Variants in AK9 observed in about 807,000 individuals in gnomAD.
The protein encoded by AK9 is adenylate kinase domain containing 1.
A neutral mutation model predicts 239.6 loss-of-function variants in AK9; 191 were observed. That is an observed-to-expected ratio of 0.80 (90% CI 0.71 to 0.90). The LOEUF is 0.90. Ranked by LOEUF, AK9 falls within the 40% of genes least tolerant of loss-of-function variation. The pLI is 0.00. For missense variants in AK9, 1,995 were observed against 2,214.7 expected, an observed-to-expected ratio of 0.90 and a Z score of 1.99; for synonymous variants, 689 against 721.0, an observed-to-expected ratio of 0.96 and a Z score of 0.71.
chr6:109,550,394 A>T, intron 24 of AK9, 92 bp from the exon 25 acceptor site: 1 of 1,159,522 alleles, frequency 8.6e-7, no homozygotes, highest in Non-Finnish European at 1.2e-6. Flanking sequence ...ATAATATTTA[A>T]TCTGTAGCAA....
intron 21 of AK9, among the ~76,000 whole-genome samples, chr6:109,570,750 A>T (rs1490435327): frequency 6.6e-6 from 1 of 152,154 alleles, no homozygotes; most frequent in Non-Finnish European, 1.5e-5. Flanking sequence ...CAAAAATAAT[A>T]AATGATCCTG....
chr6:109,627,158 T>TTTTC (rs1795630020), intron 12 of AK9, among the ~76,000 whole-genome samples: 2 of 135,386 alleles, frequency 1.5e-5, no homozygotes, highest in African/African-American at 3.2e-5. Context: ...TTTTTTTTTT[T>TTTTC]AGCCTAGCCC....
At chr6:109,512,710 G>A (rs971581387) in intron 32 of AK9, among the ~76,000 whole-genome samples, 1 of 146,954 alleles carries the variant, frequency 6.8e-6, no homozygotes, top group African/African-American at 2.4e-5. Flanking sequence ...TTCTCATTGT[G>A]ACCACCCACT....
chr6:109,654,260 T>C (rs1408933798), intron 8 of AK9, among the ~76,000 whole-genome samples: 1 of 152,192 alleles, frequency 6.6e-6, no homozygotes, highest in Non-Finnish European at 1.5e-5. Flanking sequence ...CAACAGATTA[T>C]ATCAGCATTA....
chr6:109,624,656 G>T (rs908535220), intron 12 of AK9, among the ~76,000 whole-genome samples: 3 of 152,058 alleles, frequency 2.0e-5, no homozygotes, highest in Non-Finnish European at 4.4e-5. Flanking sequence ...TGCCCCCATT[G>T]TCTTATAATT....
At chr6:109,545,164 G>A (rs1285422767) in intron 26 of AK9, among the ~76,000 whole-genome samples, 3 of 152,116 alleles carry the variant, frequency 2.0e-5, no homozygotes, top group Non-Finnish European at 4.4e-5. Context: ...GTACTGCCAG[G>A]CACAGTGGCT....
chr6:109,641,923 C>T (rs7745469), intron 9 of AK9, among the ~76,000 whole-genome samples: 88,589 of 152,006 alleles, frequency 0.58, 27,493 homozygotes, highest in South Asian at 0.84. Flanking sequence ...ACTTCAGGGC[C>T]TCAACATATC....
At chr6:109,672,380 C>G (rs182884533) in intron 3 of AK9, among the ~76,000 whole-genome samples, 42 of 152,302 alleles carry the variant, frequency 2.8e-4, no homozygotes, top group African/African-American at 9.6e-4. Flanking sequence ...CTGCCACTTA[C>G]TAAGCTTAAG....
chr6:109,632,486 C>T (rs1796189058), intron 12 of AK9: 1 of 306,608 alleles, frequency 3.3e-6, no homozygotes, highest in Non-Finnish European at 4.8e-6. Context: ...GAGTGGAGAA[C>T]AAGATTACTG....
chr6:109,604,862 A>G (rs1792627156), intron 17 of AK9, among the ~76,000 whole-genome samples: 1 of 152,206 alleles, frequency 6.6e-6, no homozygotes. Context: ...GTTCACATTA[A>G]AAGTTTAATA....
At chr6:109,662,188 A>C (rs1800515957) in intron 6 of AK9, among the ~76,000 whole-genome samples, 1 of 152,214 alleles carries the variant, frequency 6.6e-6, no homozygotes, top group Admixed American at 6.5e-5. Context: ...AGCGGAGAGC[A>C]CCACGAATGG....
chr6:109,575,248 A>C (rs893147039), intron 20 of AK9, among the ~76,000 whole-genome samples: 2 of 152,158 alleles, frequency 1.3e-5, no homozygotes, highest in Non-Finnish European at 2.9e-5. Context: ...TCTTTAAGGA[A>C]TTGCCATAGT....
At chr6:109,668,128 G>C (rs1375972048) in intron 5 of AK9, among the ~76,000 whole-genome samples, 1 of 152,194 alleles carries the variant, frequency 6.6e-6, no homozygotes, top group Admixed American at 6.5e-5. Flanking sequence ...TTGTGGTTTT[G>C]ATTTGCATTT....
intron 28 of AK9, among the ~76,000 whole-genome samples, chr6:109,532,105 T>C (rs536435115): frequency 1.3e-5 from 2 of 152,314 alleles, no homozygotes; most frequent in East Asian, 1.9e-4. Context: ...TGAGAATGTA[T>C]TACATAATTT....
At chr6:109,498,073 T>A in intron 36 of AK9, 108 bp from the exon 37 acceptor site, 15 of 1,031,632 alleles carry the variant, frequency 1.5e-5, no homozygotes, top group African/African-American at 3.2e-5. Context: ...GTAGCAGCGT[T>A]CTGCTGCTCC....
chr6:109,614,609 GC>G (rs1358948003), intron 13 of AK9, 129 bp from the exon 14 acceptor site: 21 of 699,256 alleles, frequency 3.0e-5, no homozygotes, highest in Non-Finnish European at 4.9e-5. Flanking sequence ...AGCTGTAAGG[GC>G]TGTGTGACTT....
intron 8 of AK9, among the ~76,000 whole-genome samples, chr6:109,651,178 A>G (rs1269485259): frequency 6.6e-6 from 1 of 152,088 alleles, no homozygotes; most frequent in Non-Finnish European, 1.5e-5. Flanking sequence ...ACATGTATAC[A>G]TATGTAACAA....
intron 5 of AK9, among the ~76,000 whole-genome samples, chr6:109,667,739 T>G (rs1435641974): frequency 6.6e-6 from 1 of 152,244 alleles, no homozygotes; most frequent in African/African-American, 2.4e-5. Flanking sequence ...AACTCATCAT[T>G]TTTTATGGCT....
At chr6:109,499,669 A>T (rs1450395569) in intron 35 of AK9, among the ~76,000 whole-genome samples, 3 of 151,806 alleles carry the variant, frequency 2.0e-5, no homozygotes, top group Non-Finnish European at 4.4e-5. Context: ...GCGTAGCTCG[A>T]TCTCAGTTCA....
Sources: gnomAD v4.1 joint callset for allele counts (sites outside exome capture counted in the v4.1 genomes callset) on GRCh38, gnomAD v4.1.1 for gene constraint, MANE v1.5 for transcripts, NCBI Gene and HGNC (gene_info 2026-07-23, HGNC 2026-07-21) for gene names.